NKAIN2: variants seen among roughly 807,000 people sequenced by gnomAD.
The protein encoded by NKAIN2 is sodium/potassium-transporting ATPase subunit beta-1-interacting protein 2.
In NKAIN2, 14 loss-of-function variants were observed where a neutral mutation model predicts 32.6. The ratio of observed to expected loss-of-function variants is 0.43; its 90% confidence interval spans 0.28 to 0.67. The LOEUF is 0.67. Among genes scored for constraint, NKAIN2 ranks in the 30% least tolerant of loss-of-function variants. The pLI, the probability that NKAIN2 is intolerant of heterozygous loss-of-function variation, is 0.17. For missense variants in NKAIN2, 198 were observed against 258.3 expected, an observed-to-expected ratio of 0.77 and a Z score of 1.60; for synonymous variants, 80 against 87.2, an observed-to-expected ratio of 0.92 and a Z score of 0.46.
intron 3 of NKAIN2, among the ~76,000 whole-genome samples, chr6:124,381,125 A>G (rs78464903): frequency 0.012 from 1,877 of 152,298 alleles, 36 homozygotes; most frequent in African/African-American, 0.043. Flanking sequence ...AAAAGCATAT[A>G]TGAAATCCAA....
chr6:124,681,698 T>G (rs1044178004), intron 4 of NKAIN2, among the ~76,000 whole-genome samples: 2 of 151,990 alleles, frequency 1.3e-5, no homozygotes, highest in Non-Finnish European at 2.9e-5. Flanking sequence ...AGATTGGAGA[T>G]TGAGACATAT....
chr6:124,498,588 A>G (rs1778160180), intron 3 of NKAIN2, among the ~76,000 whole-genome samples: 1 of 152,220 alleles, frequency 6.6e-6, no homozygotes, highest in Admixed American at 6.5e-5. Context: ...AATACATCAT[A>G]CACTGTGAAA....
chr6:124,674,772 G>T (rs1163494954), intron 4 of NKAIN2, among the ~76,000 whole-genome samples: 1 of 151,672 alleles, frequency 6.6e-6, no homozygotes, highest in African/African-American at 2.4e-5. Context: ...TGTTTGATAT[G>T]GGTTTTACAG....
chr6:123,946,681 T>G (rs1428200398), intron 1 of NKAIN2, among the ~76,000 whole-genome samples: 1 of 152,234 alleles, frequency 6.6e-6, no homozygotes, highest in Non-Finnish European at 1.5e-5. Context: ...AATACTGTGA[T>G]AGAGTAAAAC....
intron 1 of NKAIN2, among the ~76,000 whole-genome samples, chr6:124,013,112 G>A (rs567951861): frequency 2.0e-5 from 3 of 152,168 alleles, no homozygotes; most frequent in African/African-American, 7.2e-5. Flanking sequence ...TGTGTTATTT[G>A]CTATATGACT....
At chr6:123,970,962 T>C (rs893936156) in intron 1 of NKAIN2, among the ~76,000 whole-genome samples, 2 of 152,174 alleles carry the variant, frequency 1.3e-5, no homozygotes, top group Non-Finnish European at 2.9e-5. Context: ...AAAACAATCT[T>C]TGCAATTTAA....
intron 3 of NKAIN2, among the ~76,000 whole-genome samples, chr6:124,460,313 T>C (rs1366694821): frequency 1.3e-5 from 2 of 151,842 alleles, no homozygotes; most frequent in Non-Finnish European, 2.9e-5. Flanking sequence ...CATTAATCTA[T>C]AAATTGAATA....
intron 3 of NKAIN2, among the ~76,000 whole-genome samples, chr6:124,513,194 C>T (rs570907626): frequency 1.2e-4 from 18 of 152,218 alleles, no homozygotes; most frequent in South Asian, 6.2e-4. Context: ...GTTTCTAATA[C>T]GTGACTAAAA....
At chr6:124,338,642 A>C (rs1030232792) in intron 2 of NKAIN2, among the ~76,000 whole-genome samples, 1 of 152,222 alleles carries the variant, frequency 6.6e-6, no homozygotes, top group African/African-American at 2.4e-5. Flanking sequence ...TATTCTAAAA[A>C]CAAACAAAAA....
chr6:124,690,391 G>A (rs538422598), intron 4 of NKAIN2, among the ~76,000 whole-genome samples: 54 of 152,230 alleles, frequency 3.5e-4, no homozygotes, highest in African/African-American at 1.3e-3. Context: ...GGTTTGCAAA[G>A]ACAGTTTTAT....
Position 123,964,281 on chromosome 6 carries a change from C to G in NKAIN2, c.54+160027C>G, listed in dbSNP as rs1232227991. 6.6e-6 allele frequency among the ~76,000 whole-genome samples: 1 copy of G among 152,102 alleles called. No individual in the cohort carries two copies. Among genetic ancestry groups the G allele is most frequent in the Non-Finnish European group, 1.5e-5 (1 of 67,978 alleles). ...GTAAATAAGTCAGCATTTCATTTTT[C>G]TTATACAGCTCCCTGTTCATCCCCT... is the stretch of plus-strand genomic sequence containing the variant. On this transcript the variant is annotated intron_variant, in intron 1 of 6. Transcript: ENST00000368417. The surrounding 1 kb of genome is among the most constrained non-coding windows in gnomAD (Gnocchi z 4.0).
chr6:124,386,589 G>A (rs1426140990), intron 3 of NKAIN2, among the ~76,000 whole-genome samples: 4 of 152,150 alleles, frequency 2.6e-5, no homozygotes, highest in Non-Finnish European at 2.9e-5. Flanking sequence ...CGGGCGCAAT[G>A]GTTTTGGCAT....
At chr6:124,759,237 G>C (rs1228783410) in intron 4 of NKAIN2, among the ~76,000 whole-genome samples, 1 of 152,128 alleles carries the variant, frequency 6.6e-6, no homozygotes, top group South Asian at 2.1e-4. Flanking sequence ...CAAGTAGACA[G>C]CATATGGATG....
At chr6:123,987,539 C>T (rs1216304695) in intron 1 of NKAIN2, among the ~76,000 whole-genome samples, 1 of 152,122 alleles carries the variant, frequency 6.6e-6, no homozygotes, top group African/African-American at 2.4e-5. Context: ...AGTCTGAAAT[C>T]AAGGCATTTG....
intron 3 of NKAIN2, among the ~76,000 whole-genome samples, chr6:124,641,184 T>A (rs2114355261): frequency 6.6e-6 from 1 of 152,272 alleles, no homozygotes; most frequent in South Asian, 2.1e-4. Flanking sequence ...TGAGAAGGGG[T>A]AACTCAAAGT....
intron 3 of NKAIN2, among the ~76,000 whole-genome samples, chr6:124,365,519 A>G (rs1799482096): frequency 6.6e-6 from 1 of 151,954 alleles, no homozygotes; most frequent in African/African-American, 2.4e-5. Flanking sequence ...ATAAAATAAT[A>G]CAGCTTCAAA....
intron 1 of NKAIN2, among the ~76,000 whole-genome samples, chr6:123,947,542 G>GC (rs1463463767): frequency 6.6e-6 from 1 of 152,100 alleles, no homozygotes; most frequent in African/African-American, 2.4e-5. Context: ...AAAAGCATGT[G>GC]TCTGAACTGC....
intron 1 of NKAIN2, among the ~76,000 whole-genome samples, chr6:124,172,548 T>A (rs1467774332): frequency 6.6e-6 from 1 of 152,192 alleles, no homozygotes; most frequent in Non-Finnish European, 1.5e-5. Flanking sequence ...TGATATCAGA[T>A]TTTAAAAATC....
chr6:124,529,301 TG>T (rs1205324047), intron 3 of NKAIN2, among the ~76,000 whole-genome samples: 1 of 152,180 alleles, frequency 6.6e-6, no homozygotes, highest in Non-Finnish European at 1.5e-5. Context: ...CCCACCCTGA[TG>T]TAGGCTGGGC....
Sources: allele counts gnomAD v4.1 joint callset (sites outside exome capture counted in the v4.1 genomes callset), GRCh38; gene constraint gnomAD v4.1.1; non-coding constraint Gnocchi (gnomAD v3.1); transcripts MANE v1.5; gene names NCBI Gene and HGNC (gene_info 2026-07-23, HGNC 2026-07-21).